COL11A2: variants seen among roughly 807,000 people sequenced by gnomAD.
COL11A2 encodes the protein collagen type XI alpha 2 chain.
A neutral mutation model predicts 273.4 loss-of-function variants in COL11A2; 116 were observed. The observed-to-expected ratio is 0.42, with a 90% confidence interval of 0.36 to 0.49. The LOEUF is 0.49. Ranked by LOEUF, COL11A2 falls within the 20% of genes least tolerant of loss-of-function variation. The pLI is 0.00. For missense variants in COL11A2, 1,866 were observed against 2,309.0 expected (o/e 0.81, Z 3.93); for synonymous variants, 782 against 864.2 (o/e 0.90, Z 1.67).
Position 33,178,841 on chromosome 6 carries a change from C to G in COL11A2, c.1665+79G>C. 6.2e-7 allele frequency: 1 copy of G among 1,608,106 alleles called. No individual in the cohort carries two copies. The highest frequency in any genetic ancestry group is 8.5e-7 in the Non-Finnish European group (1 of 1,175,596). On this transcript the variant is annotated intron_variant, in intron 17 of 65. Transcript: ENST00000341947. The surrounding 1 kb of genome is among the most constrained non-coding windows in gnomAD (Gnocchi z 4.6). ...GCTGATCCTGGGGAAGCCTGGAGAACTAGGTCATCCCCAAGAAACAACTGA... is the reference window on the plus strand; with the variant it reads ...GCTGATCCTGGGGAAGCCTGGAGAAGTAGGTCATCCCCAAGAAACAACTGA...
intron 1 of COL11A2, among the ~76,000 whole-genome samples, chr6:33,191,060 A>G (rs1773047680): frequency 6.6e-6 from 1 of 152,118 alleles, no homozygotes; most frequent in African/African-American, 2.4e-5. Flanking sequence ...ATTTCCCTAA[A>G]GTCCCATCTC....
chr6:33,172,916 C>T, intron 38 of COL11A2, 144 bp downstream of exon 38: 2 of 918,988 alleles, frequency 2.2e-6, no homozygotes, highest in African/African-American at 1.6e-5. Context: ...AGGACCCCTG[C>T]CTGAAATCCC....
At position 33,170,523 on chromosome 6, in the gene COL11A2, T is replaced by G. The variant is rs539786946; in HGVS notation, c.3528+34A>C. The G allele has an allele frequency of 4.4e-5, 71 of 1,610,926 alleles. No homozygotes were observed. The Admixed American group carries it at 7.5e-4, about 17-fold the overall frequency. On this transcript the variant is annotated intron_variant, in intron 47 of 65. Transcript: ENST00000341947. This position sits in a 1 kb window ranked among gnomAD's most constrained non-coding sequence, Gnocchi z 4.3. ...GCTGGCCAGGGAGGGGGGTGACTAG[T>G]ATGGTGGCTAGGGTCAGTAGGGGTC...
At chr6:33,186,879 G>C in intron 4 of COL11A2, 61 bp from the exon 5 acceptor site, 1 of 1,607,562 alleles carries the variant, frequency 6.2e-7, no homozygotes, top group African/African-American at 1.3e-5. Context: ...GGTATCATCC[G>C]GGAGAAAGAG....
Position 33,163,964 on chromosome 6 carries a change from C to A in COL11A2, c.5071-146G>T. The stretch of plus-strand genomic sequence containing the variant: ...TACAGACTGGCAGTGTCTATGTGCC[C>A]ATGCGTGTGTGTTTGCTTCTCCCCC... On this transcript the variant is annotated intron_variant, in intron 65 of 65. Coordinates refer to ENST00000341947, the MANE Select transcript of COL11A2 (RefSeq NM_080680.3). This position sits in a 1 kb window ranked among gnomAD's most constrained non-coding sequence, Gnocchi z 4.1. The A allele has an allele frequency of 8.2e-7, 1 of 1,220,166 alleles. No homozygotes were observed. The highest frequency in any genetic ancestry group is 1.2e-6 in the Non-Finnish European group (1 of 845,360). 75.6% of individuals were successfully genotyped at this position (1,220,166 alleles called of 1,614,324 possible). A position where few individuals can be genotyped will look rare whatever the true frequency, so the allele number is the denominator to read the frequency against.
chr6:33,168,681 G>T (rs762097581), intron 53 of COL11A2, 25 bp downstream of exon 53: 47 of 1,589,946 alleles, frequency 3.0e-5, no homozygotes, highest in South Asian at 9.1e-5. Context: ...GGCTCAGGGG[G>T]GTGGTGGGGT....
rs761690206 is a variant in COL11A2 at position 33,167,829 on chromosome 6, G to A, written c.3984C>T (p.Ser1328=). ...CTCCCTTCCCTCCTTGTCGCCCCTC[G>A]GAACCAGGCGAGCCAGCAGGACCCT... ...GKRGPAGSPG[S]EGRQGGKGAK... Residue 1328 remains serine (S), a synonymous_variant, in exon 55 of 66, where the codon TCC becomes TCT. Transcript: ENST00000341947. The surrounding 1 kb of genome is among the most constrained non-coding windows in gnomAD (Gnocchi z 6.1). The A allele has an allele frequency of 1.1e-5, 17 of 1,612,692 alleles. No homozygotes were observed. Among genetic ancestry groups the A allele is most frequent in the Middle Eastern group, 3.3e-4 (2 of 6,078 alleles).
At position 33,164,824 on chromosome 6, in the gene COL11A2, G is replaced by C. The variant is rs1297595325; in HGVS notation, c.4863+28C>G. On this transcript the variant is annotated intron_variant, in intron 64 of 65. Coordinates refer to ENST00000341947, the MANE Select transcript of COL11A2 (RefSeq NM_080680.3). This position sits in a 1 kb window ranked among gnomAD's most constrained non-coding sequence, Gnocchi z 4.7. ...CTGAGGGGGTGCACTATGGGGCAGG[G>C]GAGGGGCAGCGAGGGGCCAGCTCTC... 28 of 1,537,346 alleles carry C rather than the reference G, an allele frequency of 1.8e-5. No individual in the cohort carries two copies. The highest frequency in any genetic ancestry group is 2.5e-5 in the Non-Finnish European group (28 of 1,134,574).
chr6:33,175,550 G>C (rs759811362), intron 30 of COL11A2, 24 bp downstream of exon 30: 32 of 1,604,500 alleles, frequency 2.0e-5, no homozygotes, highest in Non-Finnish European at 2.7e-5. Flanking sequence ...AGAGGACCCA[G>C]GCACAGAACC....
chr6:33,187,502 G>C (rs1772577922), intron 4 of COL11A2, among the ~76,000 whole-genome samples: 1 of 152,126 alleles, frequency 6.6e-6, no homozygotes, highest in African/African-American at 2.4e-5. Flanking sequence ...TGGAGGGATG[G>C]GTGAATGGAG....
At position 33,167,296 on chromosome 6, in the gene COL11A2, C is replaced by T; in HGVS notation, c.4144G>A (p.Ala1382Thr). 1 of 1,613,960 alleles carries T rather than the reference C, an allele frequency of 6.2e-7. No individual in the cohort carries two copies. Among genetic ancestry groups the T allele is most frequent in the Non-Finnish European group, 8.5e-7 (1 of 1,180,012 alleles). ...GSVGQQGRPG[A>T]TGQAGPPGPV... ...CCTGGGGGCCCAGCCTGGCCTGTAG[C>T]TCCAGGTCGGCCTTGCTGACCCTGA... The change falls in exon 57 of 66, where the codon GCT (alanine) becomes ACT (threonine). Residue 1382 changes from alanine (A) to threonine (T), a missense_variant. Transcript: ENST00000341947. This position sits in a 1 kb window ranked among gnomAD's most constrained non-coding sequence, Gnocchi z 6.1.
At position 33,170,423 on chromosome 6, in the gene COL11A2, T is replaced by A; in HGVS notation, c.3529-44A>T. 6.6e-7 allele frequency: 1 copy of A among 1,507,398 alleles called. No individual in the cohort carries two copies. Among genetic ancestry groups the A allele is most frequent in the South Asian group, 1.1e-5 (1 of 89,118 alleles). 93.4% of individuals were successfully genotyped at this position (1,507,398 alleles called of 1,614,324 possible). A position where few individuals can be genotyped will look rare whatever the true frequency, so the allele number is the denominator to read the frequency against. On this transcript the variant is annotated intron_variant, in intron 47 of 65. Coordinates refer to ENST00000341947, the MANE Select transcript of COL11A2 (RefSeq NM_080680.3). This position sits in a 1 kb window ranked among gnomAD's most constrained non-coding sequence, Gnocchi z 4.3. ...CCACAGATGAGGAAGGGAAGTGAGATGGCTGAGCATGAATGGTGGAGAGAG... is the reference window on the plus strand; with the variant it reads ...CCACAGATGAGGAAGGGAAGTGAGAAGGCTGAGCATGAATGGTGGAGAGAG...
At chr6:33,168,844 C>T in intron 52 of COL11A2, 85 bp from the exon 53 acceptor site, 3 of 1,606,984 alleles carry the variant, frequency 1.9e-6, no homozygotes, top group Non-Finnish European at 2.6e-6. Flanking sequence ...TCCCCTTGCC[C>T]ACCCTGCCAT....
rs1770958709 is a variant in COL11A2, at chr6:33,176,726, T to C, written c.2110A>G (p.Asn704Asp). 1 of 1,613,102 alleles carries C rather than the reference T, an allele frequency of 6.2e-7. No individual in the cohort carries two copies. The highest frequency in any genetic ancestry group is 2.2e-5 in the East Asian group (1 of 44,870). The part of the protein sequence containing the change: ...GKEGPPGTKG[N>D]QGPSGPQGPL... The stretch of plus-strand genomic sequence containing the variant: ...AAAGACATGGAAGATCTCACCTGGT[T>C]TCCTTTGGTTCCAGGGGGACCTTCC... The change falls in exon 26 of 66, where the codon AAC becomes GAC. Residue 704 changes from asparagine to aspartate, a missense_variant. By Grantham distance (23) the Asn-to-Asp change is conservative. Transcript: ENST00000341947. The surrounding 1 kb of genome is among the most constrained non-coding windows in gnomAD (Gnocchi z 4.9).
rs1272768528 is a variant in COL11A2, at chr6:33,190,760, A to G, written c.83-1291T>C. ...CAACACACAAGGGCCGCTTTGAGAGACGAAGGGTGAGTGAGACAGAGACAC... is the reference window on the plus strand; with the variant it reads ...CAACACACAAGGGCCGCTTTGAGAGGCGAAGGGTGAGTGAGACAGAGACAC... On this transcript the variant is annotated intron_variant, in intron 1 of 65. Coordinates refer to ENST00000341947, the MANE Select transcript of COL11A2 (RefSeq NM_080680.3). The surrounding 1 kb of genome is among the most constrained non-coding windows in gnomAD (Gnocchi z 4.5). 6.6e-6 allele frequency among the ~76,000 whole-genome samples: 1 copy of G among 152,020 alleles called. No homozygotes were observed. The highest frequency in any genetic ancestry group is 1.5e-5 in the Non-Finnish European group (1 of 68,004).
Position 33,166,611 on chromosome 6 carries a change from C to A in COL11A2, c.4339-45G>T, listed in dbSNP as rs1381710067. 3 of 1,612,836 alleles carry A rather than the reference C, an allele frequency of 1.9e-6. No homozygotes were observed. The East Asian group carries it at 6.7e-5, about 36-fold the overall frequency. ...GTTCAACTGGGTCCTCCTCCCACAC[C>A]CTCCTGAGCACCTGCTCGCTTACCC... is the stretch of plus-strand genomic sequence containing the variant. On this transcript the variant is annotated intron_variant, in intron 59 of 65. Coordinates refer to ENST00000341947, the MANE Select transcript of COL11A2 (RefSeq NM_080680.3). The surrounding 1 kb of genome is among the most constrained non-coding windows in gnomAD (Gnocchi z 4.8).
rs990811773 is a variant in COL11A2, at chr6:33,190,819, T to A, written c.82+1340A>T. ...ACAGAGACCCCAGGCCAAGGAGACCTCGGAGGTCCCCACCCTCCACCAAAT... is the reference window on the plus strand; with the variant it reads ...ACAGAGACCCCAGGCCAAGGAGACCACGGAGGTCCCCACCCTCCACCAAAT... On this transcript the variant is annotated intron_variant, in intron 1 of 65. Transcript: ENST00000341947. The surrounding 1 kb of genome is among the most constrained non-coding windows in gnomAD (Gnocchi z 4.5). Among the ~76,000 whole-genome samples, 4 of 151,738 alleles carry A rather than the reference T, an allele frequency of 2.6e-5. No individual in the cohort carries two copies. Among genetic ancestry groups the A allele is most frequent in the African/African-American group, 9.7e-5 (4 of 41,256 alleles).
At position 33,178,370 on chromosome 6, in the gene COL11A2, G is replaced by C; in HGVS notation, c.1774-18C>G. ...TCATCTCCCTGGAGGAGGAGGACACGGTAAAGCTGCTGTGCCTTCTAGACC... is the reference window on the plus strand; with the variant it reads ...TCATCTCCCTGGAGGAGGAGGACACCGTAAAGCTGCTGTGCCTTCTAGACC... On this transcript the variant is annotated intron_variant, in intron 19 of 65. Transcript: ENST00000341947. The surrounding 1 kb of genome is among the most constrained non-coding windows in gnomAD (Gnocchi z 4.6). The C allele has an allele frequency of 6.2e-7, 1 of 1,612,866 alleles. No individual in the cohort carries two copies. The highest frequency in any genetic ancestry group is 2.2e-5 in the East Asian group (1 of 44,860).
Position 33,166,975 on chromosome 6 carries a change from G to A in COL11A2, c.4230+95C>T, listed in dbSNP as rs1432216719. On this transcript the variant is annotated intron_variant, in intron 58 of 65. Transcript: ENST00000341947. The surrounding 1 kb of genome is among the most constrained non-coding windows in gnomAD (Gnocchi z 4.8). Reference sequence around the variant, plus strand: ...GGACTCCCTGGGACTGGCTGCCGGAGGCCTGAAGCAGAGCAGTGGGCACTT... The same window carrying A: ...GGACTCCCTGGGACTGGCTGCCGGAAGCCTGAAGCAGAGCAGTGGGCACTT... 1 of 1,571,244 alleles carries A rather than the reference G, an allele frequency of 6.4e-7. No homozygotes were observed. Among genetic ancestry groups the A allele is most frequent in the South Asian group, 1.1e-5 (1 of 88,906 alleles).
Sources: gnomAD v4.1 joint callset for allele counts (sites outside exome capture counted in the v4.1 genomes callset) on GRCh38, gnomAD v4.1.1 for gene constraint, Gnocchi (gnomAD v3.1) non-coding constraint, MANE v1.5 for transcripts, NCBI Gene and HGNC (gene_info 2026-07-23, HGNC 2026-07-21) for gene names.